The following CRBN variants were observed in gnomAD, a reference collection of about 807,000 sequenced individuals.
CRBN encodes cereblon, also known as protein cereblon.
Under a neutral mutation model 62.2 loss-of-function variants are expected in CRBN, and 53 were observed. The observed-to-expected ratio is 0.85, with a 90% CI of 0.68 to 1.07. The LOEUF (loss-of-function observed/expected upper bound fraction) is 1.07, where lower values mean the gene tolerates loss of function less well. Among genes scored for constraint, CRBN ranks in the 50% least tolerant of loss-of-function variants. The pLI is 0.00. For missense variants in CRBN, 616 were observed against 531.1 expected (o/e 1.16, Z -1.57); for synonymous variants, 208 against 176.1 (o/e 1.18, Z -1.43).
chr3:3,175,217 T>C lies in CRBN; in HGVS notation c.120A>G (p.Glu40=), dbSNP rs1443792807. The C allele has an allele frequency of 6.2e-7, 1 of 1,613,862 alleles. No individual in the cohort carries two copies. Among genetic ancestry groups the C allele is most frequent in the South Asian group, 1.1e-5 (1 of 91,072 alleles). The change falls in exon 2 of 11, where the codon GAA becomes GAG. Residue 40 remains glutamate (E), a synonymous_variant. Coordinates refer to ENST00000231948, the MANE Select transcript of CRBN (RefSeq NM_016302.4). ...EMEVEDQDSK[E]AKKPNIINFD... is the part of the protein sequence containing the mutation. ...AATTTATGATGTTTGGTTTTTTGGCTTCTTTACTATCCTGGTCTTCAACTT... is the reference window on the plus strand; with the variant it reads ...AATTTATGATGTTTGGTTTTTTGGCCTCTTTACTATCCTGGTCTTCAACTT...
intron 1 of CRBN, 21 bp downstream of exon 1, chr3:3,179,600 G>A (rs376897635): frequency 6.2e-7 from 1 of 1,612,382 alleles, no homozygotes; most frequent in East Asian, 2.2e-5. Flanking sequence ...CCGACTACAG[G>A]GAACTACTCC....
At position 3,150,831 on chromosome 3, in the gene CRBN, ATTTG is replaced by A. The variant is rs1344122862; in HGVS notation, c.*30_*33del. 1 of 1,545,358 alleles carries A rather than the reference ATTTG, an allele frequency of 6.5e-7. No homozygotes were observed. The highest frequency in any genetic ancestry group is 1.4e-5 in the African/African-American group (1 of 69,510). On this transcript the variant is annotated 3_prime_UTR_variant, in exon 11 of 11. Coordinates refer to ENST00000231948, the MANE Select transcript of CRBN (RefSeq NM_016302.4). ...CAAAGCAGATCTTAGAATATAACCA[ATTTG>A]TTAGATAACTTTATCTCTATCACAT...
chr3:3,160,221 TTGAAG>T (rs1707080940), intron 5 of CRBN, among the ~76,000 whole-genome samples: 1 of 152,200 alleles, frequency 6.6e-6, no homozygotes, highest in African/African-American at 2.4e-5. Context: ...AAGTGAGTCT[TTGAAG>T]TGCAATGAAA....
intron 10 of CRBN, among the ~76,000 whole-genome samples, chr3:3,151,502 A>AAAAACTGC (rs3840225): frequency 6.6e-6 from 1 of 151,800 alleles, no homozygotes; most frequent in Non-Finnish European, 1.5e-5. Context: ...GTAAATATTT[A>AAAAACTGC]TATTCTAAAA....
At chr3:3,155,949 G>A in intron 6 of CRBN, 1 of 393,690 alleles carries the variant, frequency 2.5e-6, no homozygotes, top group South Asian at 2.6e-5. Flanking sequence ...TGGGACTACA[G>A]CCACATGCCA....
chr3:3,168,121 G>C (rs927100664), intron 4 of CRBN, among the ~76,000 whole-genome samples: 2 of 151,662 alleles, frequency 1.3e-5, no homozygotes, highest in East Asian at 1.9e-4. Context: ...ACCAACTACT[G>C]CTTGATACTT....
rs114192649 is a variant in CRBN at position 3,161,693 on chromosome 3, T to C, written c.688-5412A>G. ...TGAGCCACTGTGCCTGGCCTCAAAA[T>C]TATTTTTAAAACTGACAGAATTATA... is the stretch of plus-strand genomic sequence containing the variant. On this transcript the variant is annotated intron_variant, in intron 5 of 10. Coordinates refer to ENST00000231948, the MANE Select transcript of CRBN (RefSeq NM_016302.4). 3.9e-3 allele frequency among the ~76,000 whole-genome samples: 593 copies of C among 152,344 alleles called. 6 individuals are homozygous for C. Among genetic ancestry groups the C allele is most frequent in the African/African-American group, 0.013 (559 of 41,590 alleles).
intron 4 of CRBN, among the ~76,000 whole-genome samples, chr3:3,168,976 CAAAT>C (rs977648859): frequency 6.6e-6 from 1 of 152,132 alleles, no homozygotes. Context: ...TTCATGAACA[CAAAT>C]AACTTGTTAA....
At chr3:3,163,301 C>T (rs979456125) in intron 5 of CRBN, among the ~76,000 whole-genome samples, 5 of 152,170 alleles carry the variant, frequency 3.3e-5, no homozygotes, top group African/African-American at 1.2e-4. Context: ...TCCTTAGCAT[C>T]GTCTCTTTAG....
At chr3:3,170,429 G>T (rs370190481) in intron 4 of CRBN, among the ~76,000 whole-genome samples, 1 of 152,218 alleles carries the variant, frequency 6.6e-6, no homozygotes, top group African/African-American at 2.4e-5. Context: ...GCTGGCTTGA[G>T]TTTCAAATGT....
chr3:3,155,649 A>C (rs893176395), intron 6 of CRBN: 1 of 153,886 alleles, frequency 6.5e-6, no homozygotes, highest in Non-Finnish European at 1.4e-5. Context: ...TCCTGGATGC[A>C]TTAATTAATA....
In CRBN at chr3:3,157,972, G is replaced by T. The variant is rs1215845979; in HGVS notation, c.688-1691C>A. Among the ~76,000 whole-genome samples, 10 of 152,232 alleles carry T rather than the reference G, an allele frequency of 6.6e-5. No homozygotes were observed. The East Asian group carries it at 1.5e-3, about 24-fold the overall frequency. On this transcript the variant is annotated intron_variant, in intron 5 of 10. Transcript: ENST00000231948. ...TTGCAATATGGAAGAGGACAGACTT[G>T]TTCTAAAACACGACCTACAGCTCAA... is the stretch of plus-strand genomic sequence containing the variant.
chr3:3,159,582 C>T (rs1707052634), intron 5 of CRBN, among the ~76,000 whole-genome samples: 1 of 152,228 alleles, frequency 6.6e-6, no homozygotes, highest in Non-Finnish European at 1.5e-5. Flanking sequence ...CAGGCATTCA[C>T]TCTGCCACCA....
At chr3:3,149,809 A>G (rs182039280), downstream of CRBN, 17 of 152,260 alleles carry the variant, frequency 1.1e-4, no homozygotes, top group African/African-American at 3.1e-4. Context: ...GCCTCATACT[A>G]TTACTACATT....
intron 5 of CRBN, chr3:3,167,298 T>G (rs1203566349): frequency 9.4e-6 from 2 of 213,690 alleles, no homozygotes; most frequent in East Asian, 2.7e-4. Flanking sequence ...CTCCCTTCTT[T>G]AAGATAATGG....
intron 4 of CRBN, chr3:3,172,526 A>C (rs1208156183): frequency 5.8e-6 from 3 of 518,024 alleles, no homozygotes; most frequent in Non-Finnish European, 1.0e-5. Flanking sequence ...TTTTTAAAAG[A>C]TGCTGCAGCC....
intron 4 of CRBN, 51 bp downstream of exon 4, chr3:3,172,725 T>C (rs768205474): frequency 1.9e-6 from 3 of 1,563,662 alleles, no homozygotes; most frequent in Non-Finnish European, 2.6e-6. Flanking sequence ...ACAAGAAAAC[T>C]ATTTCATTAG....
Position 3,152,465 on chromosome 3 carries a change from C to T in CRBN, c.1139G>A (p.Trp380Ter). The T allele has an allele frequency of 1.2e-6, 2 of 1,613,096 alleles. No individual in the cohort carries two copies. The highest frequency in any genetic ancestry group is 1.7e-6 in the Non-Finnish European group (2 of 1,179,748). Residue 380 changes from tryptophan (W) to a stop codon, truncating the protein, a stop_gained, in exon 10 of 11, where the codon TGG (tryptophan) becomes TAG (stop). Transcript: ENST00000231948. LOFTEE classifies it high-confidence loss of function. Reference protein sequence around the residue: ...LIGRPSTEHSWFPGYAWTVAQ... With the variant: ...LIGRPSTEHS Reference sequence around the variant, plus strand: ...ACCACCATAATATTACCCAGGAAACCAGCTGTGTTCTGTAGAAGGCCGGCC... The same window carrying T: ...ACCACCATAATATTACCCAGGAAACTAGCTGTGTTCTGTAGAAGGCCGGCC...
At chr3:3,154,987 G>C in intron 6 of CRBN, 156 bp from the exon 7 acceptor site, 1 of 642,542 alleles carries the variant, frequency 1.6e-6, no homozygotes, top group Non-Finnish European at 2.8e-6. Flanking sequence ...ATGCAGCAAT[G>C]ATCAAGCTCC....
Sources: allele counts gnomAD v4.1 joint callset (sites outside exome capture counted in the v4.1 genomes callset), GRCh38; gene constraint gnomAD v4.1.1; transcripts MANE v1.5; gene names NCBI Gene and HGNC (gene_info 2026-07-23, HGNC 2026-07-21).